Variants in RECQL5 observed in about 807,000 individuals in gnomAD.
The protein encoded by RECQL5 is RecQ like helicase 5.
In RECQL5, 88 loss-of-function variants were observed where a neutral mutation model predicts 103.4. The ratio of observed to expected loss-of-function variants is 0.85; its 90% CI spans 0.72 to 1.02. The LOEUF is 1.02. Among genes scored for constraint, RECQL5 ranks in the 50% least tolerant of loss-of-function variants. The probability of loss-of-function intolerance (pLI) is 0.00; values close to 1 mark genes in which losing one functional copy is unlikely to be tolerated. For missense variants in RECQL5, 1,232 were observed against 1,284.3 expected, an observed-to-expected ratio of 0.96 and a Z score of 0.62; for synonymous variants, 552 against 507.9, an observed-to-expected ratio of 1.09 and a Z score of -1.17.
At position 75,629,053 on chromosome 17, in the gene RECQL5, G is replaced by T; in HGVS notation, c.2370C>A (p.Ser790=). Residue 790 remains serine (S), a synonymous_variant, in exon 16 of 20, where the codon TCC becomes TCA. Coordinates refer to ENST00000317905, the MANE Select transcript of RECQL5 (RefSeq NM_004259.7). The stretch of plus-strand genomic sequence containing the variant: ...TCGGGGGTCCCTGAACCCCCTCACA[G>T]GAGGGGCAGGCACCTTCTGCCTCTG... The part of the protein sequence containing the change: ...SAPEAEGACP[S]CEGVQGPPMA... The T allele has an allele frequency of 6.2e-7, 1 of 1,604,870 alleles. No individual in the cohort carries two copies. Among genetic ancestry groups the T allele is most frequent in the African/African-American group, 1.3e-5 (1 of 74,750 alleles).
At chr17:75,628,580 G>C (rs1347010123) in intron 17 of RECQL5, 92 bp downstream of exon 17, 52 of 1,505,372 alleles carry the variant, frequency 3.5e-5, no homozygotes, top group Non-Finnish European at 4.4e-5. Flanking sequence ...AAAGAAAGCT[G>C]ATTTTCCCTG....
At chr17:75,642,291 G>GT (rs2059444053) in intron 8 of RECQL5, among the ~76,000 whole-genome samples, 1 of 152,232 alleles carries the variant, frequency 6.6e-6, no homozygotes, top group Non-Finnish European at 1.5e-5. Context: ...CAAGAAGTCT[G>GT]TGTTTTTCAC....
Position 75,629,385 on chromosome 17 carries a change from C to T in RECQL5, c.2038G>A (p.Glu680Lys). The T allele has an allele frequency of 6.6e-7, 1 of 1,511,112 alleles. No individual in the cohort carries two copies. Among genetic ancestry groups the T allele is most frequent in the South Asian group, 1.4e-5 (1 of 73,838 alleles). 93.6% of individuals were successfully genotyped at this position (1,511,112 alleles called of 1,614,324 possible). The change falls in exon 16 of 20, where the codon GAG (glutamate) becomes AAG (lysine). Residue 680 changes from glutamate (E) to lysine (K), a missense_variant. Transcript: ENST00000317905. ...CCCCGCTCGGGCTGGGGGGCTTGCT[C>T]CCTGATCCGAGTTGTCTCCATCAGT... is the stretch of plus-strand genomic sequence containing the variant. ...TELMETTRIR[E>K]QAPQPERGGE...
At chr17:75,663,597 T>C (rs1315042809) in intron 3 of RECQL5, among the ~76,000 whole-genome samples, 2 of 152,138 alleles carry the variant, frequency 1.3e-5, no homozygotes, top group Admixed American at 6.5e-5. Context: ...GTGAAGTGGT[T>C]TAGAGCACAG....
Position 75,662,836 on chromosome 17 carries a change from G to A in RECQL5, c.414C>T (p.Phe138=), listed in dbSNP as rs2059717497. 3.1e-6 allele frequency: 5 copies of A among 1,614,160 alleles called. No homozygotes were observed. The highest frequency in any genetic ancestry group is 4.2e-6 in the Non-Finnish European group (5 of 1,180,034). ...ACACCAGGGAGTTCAGGGTGGGCTG[G>A]AAGGAGGATGAAGCTGCCATCTCTG... ...ITPEMAASSS[F]QPTLNSLVSR... Residue 138 remains phenylalanine, a synonymous_variant, in exon 4 of 20, where the codon TTC becomes TTT. Transcript: ENST00000317905.
chr17:75,657,499 A>G (rs1305639233), intron 7 of RECQL5, among the ~76,000 whole-genome samples: 1 of 152,134 alleles, frequency 6.6e-6, no homozygotes, highest in Non-Finnish European at 1.5e-5. Flanking sequence ...CTGTAATCTC[A>G]GTAGTTTGGG....
At chr17:75,632,011 T>C (rs1457759820) in intron 8 of RECQL5, among the ~76,000 whole-genome samples, 1 of 152,170 alleles carries the variant, frequency 6.6e-6, no homozygotes, top group Non-Finnish European at 1.5e-5. Flanking sequence ...AAGGGTGTCT[T>C]TTGGGTGACA....
In RECQL5 at chr17:75,667,088, G is replaced by T. The variant is rs1010184698; in HGVS notation, c.-59C>A. On this transcript the variant is annotated 5_prime_UTR_variant, in exon 1 of 20. Transcript: ENST00000317905. The stretch of plus-strand genomic sequence containing the variant: ...CCCAAGAATTAAAGGCTGCTGGCTG[G>T]TTCCGGAACTGTTCGAAGACCCCTA... 6 of 418,768 alleles carry T rather than the reference G, an allele frequency of 1.4e-5. No individual in the cohort carries two copies. The East Asian group carries it at 2.8e-4, about 19-fold the overall frequency. 25.9% of individuals were successfully genotyped at this position (418,768 alleles called of 1,614,324 possible).
Position 75,627,062 on chromosome 17 carries a change from C to T in RECQL5, c.*360G>A, listed in dbSNP as rs555598675. The T allele has an allele frequency of 1.8e-4, 80 of 439,964 alleles. 1 individual carries two copies. The Middle Eastern group carries it at 4.0e-3, about 22-fold the overall frequency. 27.3% of individuals were successfully genotyped at this position (439,964 alleles called of 1,614,324 possible). On this transcript the variant is annotated 3_prime_UTR_variant, in exon 20 of 20. Coordinates refer to ENST00000317905, the MANE Select transcript of RECQL5 (RefSeq NM_004259.7). ...ATCTGAGGGTCCCCTGGGTAGGTTC[C>T]GATACCTTGGACAGGTGGGCCTCAT...
chr17:75,660,945 C>T lies in RECQL5; in HGVS notation c.986+10G>A, dbSNP rs1490547879. 6.2e-7 allele frequency: 1 copy of T among 1,604,018 alleles called. No individual in the cohort carries two copies. Among genetic ancestry groups the T allele is most frequent in the South Asian group, 1.1e-5 (1 of 90,876 alleles). ...CAGACCAGGAGGGCAGGGCAAGAAC[C>T]AAAGCTCACCTGACATTGGCTTTAT... On this transcript the variant is annotated intron_variant, in intron 6 of 19. Transcript: ENST00000317905.
intron 14 of RECQL5, 102 bp downstream of exon 14, chr17:75,630,082 G>C (rs930327811): frequency 1.9e-6 from 2 of 1,075,278 alleles, no homozygotes; most frequent in African/African-American, 3.2e-5. Context: ...TGGGGAGGGT[G>C]AGTTCTGGGC....
Position 75,661,458 on chromosome 17 carries a change from T to A in RECQL5, c.874+148A>T, listed in dbSNP as rs2059698204. On this transcript the variant is annotated intron_variant, in intron 5 of 19. Coordinates refer to ENST00000317905, the MANE Select transcript of RECQL5 (RefSeq NM_004259.7). ...ACCTCATTCATGTCTAGACTCCTTT[T>A]AGGGGATTTAAGTGTATCACTTTAG... 5 of 638,854 alleles carry A rather than the reference T, an allele frequency of 7.8e-6. 1 individual carries two copies. Among genetic ancestry groups the A allele is most frequent in the Non-Finnish European group, 1.4e-5 (5 of 357,316 alleles). The allele number at this position is 638,854 out of a possible 1,614,324, so 39.6% of individuals were successfully genotyped here.
At chr17:75,632,257 A>G (rs2059232003) in intron 8 of RECQL5, among the ~76,000 whole-genome samples, 1 of 152,178 alleles carries the variant, frequency 6.6e-6, no homozygotes. Flanking sequence ...CTGTGTTACA[A>G]CTGCATACGG....
intron 8 of RECQL5, chr17:75,648,877 G>C (rs1037336578): frequency 6.7e-6 from 1 of 150,334 alleles, no homozygotes; most frequent in African/African-American, 2.5e-5. Context: ...ATTTTTAGTA[G>C]AGACAGGGTC....
chr17:75,654,819 G>T (rs970110840), intron 7 of RECQL5, among the ~76,000 whole-genome samples: 1 of 151,834 alleles, frequency 6.6e-6, no homozygotes, highest in Non-Finnish European at 1.5e-5. Context: ...TTGAAACAGG[G>T]TCTCACTCTG....
At chr17:75,648,698 G>T (rs2059518563) in intron 8 of RECQL5, among the ~76,000 whole-genome samples, 2 of 144,552 alleles carry the variant, frequency 1.4e-5, no homozygotes, top group Admixed American at 1.4e-4. Context: ...TTTGAGATGG[G>T]GTCTCACTCC....
intron 4 of RECQL5, 59 bp from the exon 5 acceptor site, chr17:75,661,767 T>C: frequency 8.0e-7 from 1 of 1,252,916 alleles, no homozygotes; most frequent in Non-Finnish European, 1.2e-6. Context: ...ATAGGCCCAG[T>C]GTAATGCACC....
intron 11 of RECQL5, 23 bp from the exon 12 acceptor site, chr17:75,630,860 T>G: frequency 3.4e-6 from 5 of 1,469,678 alleles, no homozygotes; most frequent in African/African-American, 1.5e-5. Flanking sequence ...GGGGTGGTCC[T>G]TGGTCCTTTC....
rs778284243 is a variant in RECQL5, at chr17:75,665,010, G to GA, written c.252+40dup. ...TTTCCAGCCTCAAAAAACCTTCCCC[G>GA]AATCTTTTTGGGCTACCATCTTCAT... On this transcript the variant is annotated intron_variant, in intron 3 of 19. Coordinates refer to ENST00000317905, the MANE Select transcript of RECQL5 (RefSeq NM_004259.7). 45 of 1,492,906 alleles carry GA rather than the reference G, an allele frequency of 3.0e-5. No homozygotes were observed. The East Asian group carries it at 1.2e-3, about 40-fold the overall frequency. The allele number at this position is 1,492,906 out of a possible 1,614,324, so 92.5% of individuals were successfully genotyped here. A position where few individuals can be genotyped will look rare whatever the true frequency, so the allele number is the denominator to read the frequency against.
Sources: allele counts gnomAD v4.1 joint callset (sites outside exome capture counted in the v4.1 genomes callset), GRCh38; gene constraint gnomAD v4.1.1; transcripts MANE v1.5; gene names NCBI Gene and HGNC (gene_info 2026-07-23, HGNC 2026-07-21).